The following PRKCA variants were observed in gnomAD, a reference collection of about 807,000 sequenced individuals.
The protein encoded by PRKCA is protein kinase C alpha type.
PRKCA carries 27 observed loss-of-function variants against 87.0 expected under a neutral mutation model. That is an observed-to-expected ratio of 0.31 (90% CI 0.23 to 0.43). The LOEUF is 0.43. PRKCA is among the 20% of genes least tolerant of loss of function. The pLI, the probability that PRKCA is intolerant of heterozygous loss-of-function variation, is 1.00. For missense variants in PRKCA, 518 were observed against 852.3 expected (o/e 0.61, Z 4.88); for synonymous variants, 329 against 311.1 (o/e 1.06, Z -0.61).
chr17:66,340,993 C>T (rs886188315), intron 2 of PRKCA, among the ~76,000 whole-genome samples: 2 of 152,044 alleles, frequency 1.3e-5, no homozygotes, highest in Admixed American at 1.3e-4. Flanking sequence ...ATTATTTATT[C>T]CTGCAAGCAT....
chr17:66,563,026 T>A lies in PRKCA; in HGVS notation c.288+66743T>A, dbSNP rs192559163. Reference sequence around the variant, plus strand: ...TATTTCATCCTGTTAGCTTTTTTTTTAAAAAGATATTTTTTAGAGCCATTG... The same window carrying A: ...TATTTCATCCTGTTAGCTTTTTTTTAAAAAAGATATTTTTTAGAGCCATTG... On this transcript the variant is annotated intron_variant, in intron 3 of 16. Transcript: ENST00000413366. 8.3e-3 allele frequency among the ~76,000 whole-genome samples: 1,270 copies of A among 152,162 alleles called. 4 individuals carry two copies. The highest frequency in any genetic ancestry group is 0.018 in the African/African-American group (731 of 41,528).
chr17:66,428,261 G>A (rs1442553266), intron 2 of PRKCA, among the ~76,000 whole-genome samples: 1 of 152,110 alleles, frequency 6.6e-6, no homozygotes, highest in Non-Finnish European at 1.5e-5. Flanking sequence ...GATTAGAGAA[G>A]GTCGAATCCA....
chr17:66,774,771 G>A, intron 14 of PRKCA: 1 of 985,410 alleles, frequency 1.0e-6, no homozygotes, highest in Non-Finnish European at 1.2e-6. Context: ...TATTATTTAA[G>A]GAAGAAGACA....
At chr17:66,505,599 G>A (rs751511596) in intron 3 of PRKCA, among the ~76,000 whole-genome samples, 1 of 152,120 alleles carries the variant, frequency 6.6e-6, no homozygotes, top group Non-Finnish European at 1.5e-5. Context: ...GCCTCTGAGA[G>A]GGTGGTGAGA....
At chr17:66,311,360 C>T (rs372797281) in intron 2 of PRKCA, among the ~76,000 whole-genome samples, 3 of 152,170 alleles carry the variant, frequency 2.0e-5, no homozygotes, top group African/African-American at 7.2e-5. Flanking sequence ...TCATGCCTGT[C>T]ATCCCAGCAC....
chr17:66,581,319 A>G (rs1187857204), intron 3 of PRKCA, among the ~76,000 whole-genome samples: 1 of 152,220 alleles, frequency 6.6e-6, no homozygotes, highest in Non-Finnish European at 1.5e-5. Flanking sequence ...CAATATATGC[A>G]CAAATGAGGC....
intron 8 of PRKCA, among the ~76,000 whole-genome samples, chr17:66,722,319 C>T (rs140520297): frequency 1.3e-4 from 20 of 152,274 alleles, no homozygotes; most frequent in African/African-American, 4.6e-4. Context: ...AGAAAATGAA[C>T]GTCTCCAGCC....
chr17:66,344,524 C>CA (rs1211126896), intron 2 of PRKCA, among the ~76,000 whole-genome samples: 3 of 151,702 alleles, frequency 2.0e-5, no homozygotes, highest in African/African-American at 7.3e-5. Context: ...ACAACAACAA[C>CA]AAAAAAACAG....
At chr17:66,749,153 G>C (rs1974371939) in intron 13 of PRKCA, among the ~76,000 whole-genome samples, 1 of 151,682 alleles carries the variant, frequency 6.6e-6, no homozygotes. Flanking sequence ...TTCAGAGGGT[G>C]ACACCAGGAC....
chr17:66,497,224 A>G (rs1372293720), intron 3 of PRKCA, among the ~76,000 whole-genome samples: 4 of 151,864 alleles, frequency 2.6e-5, no homozygotes, highest in Non-Finnish European at 5.9e-5. Flanking sequence ...CAGGCCGGGC[A>G]CGGTGGCTCA....
At chr17:66,707,329 A>G (rs1200307441) in intron 8 of PRKCA, among the ~76,000 whole-genome samples, 1 of 152,224 alleles carries the variant, frequency 6.6e-6, no homozygotes, top group Admixed American at 6.5e-5. Context: ...TTCCAGAGTA[A>G]GAACCTCAGG....
chr17:66,466,874 T>TAA (rs113767550), intron 2 of PRKCA, among the ~76,000 whole-genome samples: 2 of 145,732 alleles, frequency 1.4e-5, no homozygotes, highest in African/African-American at 5.0e-5. Context: ...TTCCTTCATT[T>TAA]AAAAAAAAAA....
At chr17:66,764,643 G>C (rs957282036) in intron 13 of PRKCA, among the ~76,000 whole-genome samples, 1 of 152,270 alleles carries the variant, frequency 6.6e-6, no homozygotes, top group Admixed American at 6.5e-5. Flanking sequence ...CAGTGGCCTT[G>C]TTGGGGGTCT....
Position 66,324,303 on chromosome 17 carries a change from T to C in PRKCA, c.205+18176T>C, listed in dbSNP as rs1177259683. Reference sequence around the variant, plus strand: ...TAGATACACAAAATACTAAGGGTGCTTTTATGAAGAAATATAGGCAGGCAT... The same window carrying C: ...TAGATACACAAAATACTAAGGGTGCCTTTATGAAGAAATATAGGCAGGCAT... On this transcript the variant is annotated intron_variant, in intron 2 of 16. Coordinates refer to ENST00000413366, the MANE Select transcript of PRKCA (RefSeq NM_002737.3). Among the ~76,000 whole-genome samples, 3 of 152,016 alleles carry C rather than the reference T, an allele frequency of 2.0e-5. No homozygotes were observed. The East Asian group carries it at 5.8e-4, about 29-fold the overall frequency.
chr17:66,378,307 C>G (rs67646836), intron 2 of PRKCA, among the ~76,000 whole-genome samples: 33,084 of 152,100 alleles, frequency 0.22, 3,771 homozygotes, highest in Admixed American at 0.31. Context: ...GAGCGAGACT[C>G]TGTATCAAAA....
At chr17:66,447,081 C>T (rs911171205) in intron 2 of PRKCA, among the ~76,000 whole-genome samples, 2 of 152,132 alleles carry the variant, frequency 1.3e-5, no homozygotes, top group African/African-American at 4.8e-5. Context: ...ATCAAGCCAT[C>T]AAAAGACAGA....
intron 3 of PRKCA, among the ~76,000 whole-genome samples, chr17:66,564,416 A>G (rs1218789628): frequency 1.3e-5 from 2 of 152,110 alleles, no homozygotes; most frequent in Non-Finnish European, 2.9e-5. Flanking sequence ...AGAAAACTGT[A>G]AATTACCTAC....
At position 66,774,959 on chromosome 17, in the gene PRKCA, T is replaced by C. The variant is rs950982992; in HGVS notation, c.1605+892T>C. ...TAACCATGTGCCTTATTGCCTAACA[T>C]GGCACTTTCTAATATAATGGCCTTA... is the stretch of plus-strand genomic sequence containing the variant. On this transcript the variant is annotated intron_variant, in intron 14 of 16. Transcript: ENST00000413366. The C allele has an allele frequency of 1.0e-5, 10 of 985,272 alleles. No individual in the cohort carries two copies. In the African/African-American group the frequency reaches 1.4e-4, roughly 14 times the overall value. The allele number at this position is 985,272 out of a possible 1,614,324, so 61.0% of individuals were successfully genotyped here.
At chr17:66,603,540 G>GTAGACAC (rs1420449195) in intron 3 of PRKCA, among the ~76,000 whole-genome samples, 1 of 152,150 alleles carries the variant, frequency 6.6e-6, no homozygotes, top group East Asian at 1.9e-4. Flanking sequence ...TTGGTAGACA[G>GTAGACAC]AGAGAGAGGT....
Sources: gnomAD v4.1 joint callset for allele counts (sites outside exome capture counted in the v4.1 genomes callset) on GRCh38, gnomAD v4.1.1 for gene constraint, MANE v1.5 for transcripts, NCBI Gene and HGNC (gene_info 2026-07-23, HGNC 2026-07-21) for gene names.